Variants in PBX3 observed in about 807,000 individuals in gnomAD.
The protein encoded by PBX3 is pre-B-cell leukemia transcription factor 3.
Under a neutral mutation model 48.5 loss-of-function variants are expected in PBX3, and 14 were observed. The ratio of observed to expected loss-of-function variants is 0.29; its 90% CI spans 0.19 to 0.45. PBX3 has a LOEUF of 0.45. PBX3 is among the 20% of genes least tolerant of loss of function. The probability of loss-of-function intolerance (pLI) is 1.00; values close to 1 mark genes in which losing one functional copy is unlikely to be tolerated. For synonymous variants in PBX3, 210 were observed against 200.3 expected (o/e 1.05, Z -0.41); for missense variants, 386 against 546.7 (o/e 0.71, Z 2.93).
At chr9:125,910,355 G>A (rs1160109905) in intron 2 of PBX3, among the ~76,000 whole-genome samples, 1 of 152,014 alleles carries the variant, frequency 6.6e-6, no homozygotes, top group Non-Finnish European at 1.5e-5. Context: ...GCCATGAATG[G>A]CTGCATTATT....
chr9:125,925,377 T>G (rs188893576), intron 3 of PBX3, among the ~76,000 whole-genome samples: 1 of 152,256 alleles, frequency 6.6e-6, no homozygotes, highest in Non-Finnish European at 1.5e-5. Context: ...CAATGTAAAA[T>G]ACACACTAGA....
chr9:125,755,095 T>G (rs1298288330), intron 2 of PBX3, among the ~76,000 whole-genome samples: 1 of 152,110 alleles, frequency 6.6e-6, no homozygotes, highest in Non-Finnish European at 1.5e-5. Context: ...ATTTTTTGTT[T>G]GTTTTGTTTT....
rs1379742049 is a variant in PBX3, at chr9:125,747,612, C to T, written c.159C>T (p.Ile53=). Residue 53 remains isoleucine, a synonymous_variant, in exon 1 of 9, where the codon ATC becomes ATT. Coordinates refer to ENST00000373489, the MANE Select transcript of PBX3 (RefSeq NM_006195.6). The part of the protein sequence containing the change: ...KQDIGDILHQ[I]MTITDQSLDE... ...ACATCGGCGACATCCTCCACCAGAT[C>T]ATGACCATCACCGACCAGAGCTTGG... 2 of 1,603,420 alleles carry T rather than the reference C, an allele frequency of 1.2e-6. No individual in the cohort carries two copies. The highest frequency in any genetic ancestry group is 2.7e-5 in the African/African-American group (2 of 73,486).
chr9:125,919,353 C>T lies in PBX3; in HGVS notation c.516+3426C>T, dbSNP rs748774116. The stretch of plus-strand genomic sequence containing the variant: ...GATTACAGGCGTCTGCCATCATGCC[C>T]GTCTAATTTTTTTTTTTTTTTTTTT... On this transcript the variant is annotated intron_variant, in intron 3 of 8. Transcript: ENST00000373489. Among the ~76,000 whole-genome samples the T allele has an allele frequency of 2.7e-5, 4 of 146,720 alleles. No individual in the cohort carries two copies. In the South Asian group the frequency reaches 6.6e-4, roughly 24 times the overall value.
intron 5 of PBX3, among the ~76,000 whole-genome samples, chr9:125,959,601 G>A (rs916438225): frequency 1.3e-5 from 2 of 152,154 alleles, no homozygotes; most frequent in Non-Finnish European, 2.9e-5. Flanking sequence ...AGTGTAAATT[G>A]GGTTGGAAGG....
intron 2 of PBX3, among the ~76,000 whole-genome samples, chr9:125,869,484 A>G (rs1350285877): frequency 6.6e-6 from 1 of 152,234 alleles, no homozygotes; most frequent in Non-Finnish European, 1.5e-5. Flanking sequence ...ATGAAACTGC[A>G]GAACCCAAAA....
chr9:125,876,194 T>C (rs1840243217), intron 2 of PBX3, among the ~76,000 whole-genome samples: 1 of 152,248 alleles, frequency 6.6e-6, no homozygotes, highest in South Asian at 2.1e-4. Flanking sequence ...ATTTTTTGTA[T>C]CACTCATTTG....
chr9:125,841,742 C>T (rs1208221492), intron 2 of PBX3, among the ~76,000 whole-genome samples: 1 of 152,104 alleles, frequency 6.6e-6, no homozygotes, highest in Non-Finnish European at 1.5e-5. Context: ...TTACTGTAGC[C>T]AGAATTGATT....
At chr9:125,922,986 A>C (rs114175865) in intron 3 of PBX3, among the ~76,000 whole-genome samples, 2 of 152,258 alleles carry the variant, frequency 1.3e-5, no homozygotes, top group Non-Finnish European at 2.9e-5. Context: ...GAGTTGTTCT[A>C]ATTAATCATG....
rs374195121 is a variant in PBX3, at chr9:125,793,357, GAAAA to G, written c.274+44741_274+44744del. On this transcript the variant is annotated intron_variant, in intron 2 of 8. Coordinates refer to ENST00000373489, the MANE Select transcript of PBX3 (RefSeq NM_006195.6). ...ACAGAGTGAGACTCCATTTGGGGGG[GAAAA>G]AAAAAATATATATATATATATATAT... Among the ~76,000 whole-genome samples the G allele has an allele frequency of 1.8e-3, 194 of 108,906 alleles. 1 individual carries two copies. Among genetic ancestry groups the G allele is most frequent in the African/African-American group, 7.1e-3 (180 of 25,294 alleles). 71.4% of individuals were successfully genotyped at this position (108,906 alleles called of 152,430 possible).
chr9:125,829,122 G>C (rs2132183937), intron 2 of PBX3, among the ~76,000 whole-genome samples: 1 of 152,280 alleles, frequency 6.6e-6, no homozygotes, highest in East Asian at 1.9e-4. Flanking sequence ...CATGTAGAAA[G>C]TGCAACTTTA....
At chr9:125,782,281 G>A (rs1193077219) in intron 2 of PBX3, among the ~76,000 whole-genome samples, 2 of 152,154 alleles carry the variant, frequency 1.3e-5, no homozygotes, top group African/African-American at 2.4e-5. Context: ...TGTGAGACTT[G>A]TTAACTATCA....
chr9:125,836,814 A>G (rs1180532575), intron 2 of PBX3, among the ~76,000 whole-genome samples: 1 of 152,228 alleles, frequency 6.6e-6, no homozygotes, highest in Non-Finnish European at 1.5e-5. Flanking sequence ...TTTAAGAGTC[A>G]AAACAAGTAA....
intron 4 of PBX3, among the ~76,000 whole-genome samples, chr9:125,931,348 G>C (rs1478857443): frequency 6.6e-6 from 1 of 152,138 alleles, no homozygotes; most frequent in East Asian, 1.9e-4. Flanking sequence ...ACCCAGGCTG[G>C]AGTGCAGTAA....
intron 5 of PBX3, among the ~76,000 whole-genome samples, chr9:125,935,852 G>A (rs776338692): frequency 6.6e-6 from 1 of 152,174 alleles, no homozygotes; most frequent in Non-Finnish European, 1.5e-5. Flanking sequence ...TCTCTAGAGA[G>A]GACATAAACA....
rs540291402 is a variant in PBX3 at position 125,759,535 on chromosome 9, G to A, written c.274+10912G>A. Among the ~76,000 whole-genome samples the A allele has an allele frequency of 3.1e-4, 47 of 152,264 alleles. No individual in the cohort carries two copies. The highest frequency in any genetic ancestry group is 1.1e-3 in the African/African-American group (46 of 41,548). Reference sequence around the variant, plus strand: ...CAATGAAAGAAAAAGAACTGTAATCGCACATTTACATATGCTTCTAATTGT... The same window carrying A: ...CAATGAAAGAAAAAGAACTGTAATCACACATTTACATATGCTTCTAATTGT... On this transcript the variant is annotated intron_variant, in intron 2 of 8. Transcript: ENST00000373489. This position sits in a 1 kb window ranked among gnomAD's most constrained non-coding sequence, Gnocchi z 4.2.
At chr9:125,941,799 CT>C (rs1841963979) in intron 5 of PBX3, among the ~76,000 whole-genome samples, 1 of 152,154 alleles carries the variant, frequency 6.6e-6, no homozygotes, top group African/African-American at 2.4e-5. Context: ...TATTAATTTA[CT>C]TTTTGGAATA....
At chr9:125,884,700 C>T (rs1840458037) in intron 2 of PBX3, among the ~76,000 whole-genome samples, 1 of 152,126 alleles carries the variant, frequency 6.6e-6, no homozygotes, top group Non-Finnish European at 1.5e-5. Context: ...CCAACAAACA[C>T]TAGTGTTGAA....
At chr9:125,777,611 G>A (rs1001049708) in intron 2 of PBX3, among the ~76,000 whole-genome samples, 1 of 151,598 alleles carries the variant, frequency 6.6e-6, no homozygotes, top group Admixed American at 6.6e-5. Context: ...CAATCTGCCC[G>A]CCTCGGCCTC....
Sources: gnomAD v4.1 joint callset for allele counts (sites outside exome capture counted in the v4.1 genomes callset) on GRCh38, gnomAD v4.1.1 for gene constraint, Gnocchi (gnomAD v3.1) non-coding constraint, MANE v1.5 for transcripts, NCBI Gene and HGNC (gene_info 2026-07-23, HGNC 2026-07-21) for gene names.